Variants in HIP1 observed in about 807,000 individuals in gnomAD.
HIP1 encodes the protein huntingtin interacting protein 1.
In HIP1, 65 loss-of-function variants were observed where a neutral mutation model predicts 147.6. The observed-to-expected ratio is 0.44, with a 90% CI of 0.36 to 0.54. HIP1 has a LOEUF of 0.54. Ranked by LOEUF, HIP1 falls within the 20% of genes least tolerant of loss-of-function variation. The pLI, the probability that HIP1 is intolerant of heterozygous loss-of-function variation, is 0.00. For missense variants in HIP1, 1,061 were observed against 1,299.6 expected, an observed-to-expected ratio of 0.82 and a Z score of 2.82; for synonymous variants, 479 against 504.0, an observed-to-expected ratio of 0.95 and a Z score of 0.67.
chr7:75,670,860 G>A (rs1212811469), intron 1 of HIP1, among the ~76,000 whole-genome samples: 1 of 147,456 alleles, frequency 6.8e-6, no homozygotes, highest in Non-Finnish European at 1.5e-5. Flanking sequence ...CGGCTTAAGC[G>A]ATCCTCCTAC....
chr7:75,616,416 C>T (rs1358314765), intron 1 of HIP1, among the ~76,000 whole-genome samples: 6 of 152,040 alleles, frequency 3.9e-5, no homozygotes, highest in African/African-American at 7.2e-5. Flanking sequence ...CCTACAGGTG[C>T]GCACCACCAC....
chr7:75,700,594 T>C (rs1800794213), intron 1 of HIP1, among the ~76,000 whole-genome samples: 1 of 152,048 alleles, frequency 6.6e-6, no homozygotes, highest in Admixed American at 6.6e-5. Context: ...ACATGGAGCT[T>C]ACCATCTACA....
At chr7:75,671,936 T>C (rs1189012942) in intron 1 of HIP1, among the ~76,000 whole-genome samples, 2 of 152,140 alleles carry the variant, frequency 1.3e-5, no homozygotes, top group African/African-American at 4.8e-5. Flanking sequence ...ATTTTCACCG[T>C]GTTGGTCAGG....
At position 75,734,055 on chromosome 7, in the gene HIP1, G is replaced by A. The variant is rs576677754; in HGVS notation, c.120+4746C>T. ...GAGGTCAGGAGTTCGAGGCCAGCCTGGTCAACAAGTGAGACCCTGTCTCTA... is the reference window on the plus strand; with the variant it reads ...GAGGTCAGGAGTTCGAGGCCAGCCTAGTCAACAAGTGAGACCCTGTCTCTA... On this transcript the variant is annotated intron_variant, in intron 1 of 30. Coordinates refer to ENST00000336926, the MANE Select transcript of HIP1 (RefSeq NM_005338.7). 7.2e-5 allele frequency among the ~76,000 whole-genome samples: 11 copies of A among 152,016 alleles called. No individual in the cohort carries two copies. In the South Asian group the frequency reaches 1.5e-3, roughly 20 times the overall value.
At position 75,563,008 on chromosome 7, in the gene HIP1, G is replaced by T; in HGVS notation, c.947C>A (p.Ala316Glu). Reference protein sequence around the residue: ...EHISPVVVIPAEASSPDSEPV... With the variant: ...EHISPVVVIPEEASSPDSEPV... Reference sequence around the variant, plus strand: ...CTCGCTGTCGGGGGATGAGGCCTCTGCAGGGATCACCACCACAGGGCTGAT... The same window carrying T: ...CTCGCTGTCGGGGGATGAGGCCTCTTCAGGGATCACCACCACAGGGCTGAT... Residue 316 changes from alanine to glutamate, a missense_variant, in exon 11 of 31, where the codon GCA becomes GAA. Ala to Glu is a moderately radical substitution (Grantham distance 107). Coordinates refer to ENST00000336926, the MANE Select transcript of HIP1 (RefSeq NM_005338.7). 1 of 1,614,182 alleles carries T rather than the reference G, an allele frequency of 6.2e-7. No homozygotes were observed. Among genetic ancestry groups the T allele is most frequent in the Non-Finnish European group, 8.5e-7 (1 of 1,180,018 alleles).
rs115862022 is a variant in HIP1 at position 75,696,286 on chromosome 7, C to T, written c.120+42515G>A. ...TACAGGTGTGAGCCACCATGCCTGG[C>T]CTATCATTTCTTCTTTTCTTTCCAA... On this transcript the variant is annotated intron_variant, in intron 1 of 30. Coordinates refer to ENST00000336926, the MANE Select transcript of HIP1 (RefSeq NM_005338.7). Among the ~76,000 whole-genome samples, 233 of 152,236 alleles carry T rather than the reference C, an allele frequency of 1.5e-3. 1 individual carries two copies. The highest frequency in any genetic ancestry group is 5.3e-3 in the African/African-American group (219 of 41,550).
chr7:75,614,258 C>G (rs1797552597), intron 1 of HIP1, among the ~76,000 whole-genome samples: 2 of 152,192 alleles, frequency 1.3e-5, no homozygotes, highest in Admixed American at 1.3e-4. Flanking sequence ...TCAGGCTGGT[C>G]TGAAACTCCT....
chr7:75,702,312 G>T (rs1209747150), intron 1 of HIP1, among the ~76,000 whole-genome samples: 1 of 152,146 alleles, frequency 6.6e-6, no homozygotes, highest in Admixed American at 6.6e-5. Flanking sequence ...GTTTCACCAT[G>T]TTGGCCAGGC....
chr7:75,595,333 C>G (rs939166520), intron 2 of HIP1, among the ~76,000 whole-genome samples: 1 of 144,508 alleles, frequency 6.9e-6, no homozygotes. Flanking sequence ...CTCTCTCTCT[C>G]GTTCGTTCTT....
rs1343308116 is a variant in HIP1 at position 75,720,634 on chromosome 7, G to GGT, written c.120+18165_120+18166dup. Among the ~76,000 whole-genome samples, 5 of 152,296 alleles carry GGT rather than the reference G, an allele frequency of 3.3e-5. No homozygotes were observed. The East Asian group carries it at 9.6e-4, about 29-fold the overall frequency. ...GGTCTAACTTTCTCTATGTCAAACA[G>GGT]GTTTAGTCGTTTGGGGCACAGGTTT... On this transcript the variant is annotated intron_variant, in intron 1 of 30. Transcript: ENST00000336926.
intron 1 of HIP1, among the ~76,000 whole-genome samples, chr7:75,602,285 G>A (rs587719797): frequency 1.4e-5 from 2 of 139,634 alleles, no homozygotes; most frequent in East Asian, 4.5e-4. Context: ...ACAGGCGTGA[G>A]CCACAGCACC....
At chr7:75,669,515 T>C (rs1799673562) in intron 1 of HIP1, among the ~76,000 whole-genome samples, 1 of 152,144 alleles carries the variant, frequency 6.6e-6, no homozygotes, top group African/African-American at 2.4e-5. Context: ...TCAGCCAAGC[T>C]TGTGCCACTG....
chr7:75,570,590 C>T (rs184201803), intron 8 of HIP1, among the ~76,000 whole-genome samples: 2 of 152,244 alleles, frequency 1.3e-5, no homozygotes, highest in Admixed American at 6.5e-5. Context: ...CGTGCCCGGC[C>T]AGTTGTGGCA....
intron 1 of HIP1, among the ~76,000 whole-genome samples, chr7:75,632,399 C>A (rs1798259112): frequency 6.6e-6 from 1 of 152,024 alleles, no homozygotes; most frequent in African/African-American, 2.4e-5. Flanking sequence ...ACCAAAAATT[C>A]TTTTCTCCTA....
intron 1 of HIP1, among the ~76,000 whole-genome samples, chr7:75,681,762 A>C (rs1800081009): frequency 1.3e-5 from 2 of 151,626 alleles, no homozygotes; most frequent in South Asian, 4.2e-4. Context: ...CCACCTCCCA[A>C]AGTGCTAGGA....
chr7:75,730,679 G>A (rs1045954647), intron 1 of HIP1, among the ~76,000 whole-genome samples: 8 of 151,514 alleles, frequency 5.3e-5, no homozygotes, highest in Admixed American at 2.6e-4. Flanking sequence ...TGCAAGGATC[G>A]AAAAGGGTGG....
chr7:75,715,153 G>T (rs1034769335), intron 1 of HIP1, among the ~76,000 whole-genome samples: 4 of 152,144 alleles, frequency 2.6e-5, no homozygotes, highest in Non-Finnish European at 5.9e-5. Flanking sequence ...ACATTGGGAG[G>T]CCAAGGCAGG....
Position 75,595,231 on chromosome 7 carries a change from T to C in HIP1, c.185-2717A>G, listed in dbSNP as rs189596219. ...TTCTTTCTTTCTTTCTTTCTTTCTT[T>C]CTTTCTTTCTTTCTTTCTTTCTTCC... On this transcript the variant is annotated intron_variant, in intron 2 of 30. Transcript: ENST00000336926. 2.1e-3 allele frequency among the ~76,000 whole-genome samples: 226 copies of C among 106,026 alleles called. 4 individuals are homozygous for C. The highest frequency in any genetic ancestry group is 8.3e-3 in the African/African-American group (181 of 21,696). The allele number at this position is 106,026 out of a possible 152,430, so 69.6% of individuals were successfully genotyped here. A position where few individuals can be genotyped will look rare whatever the true frequency, so the allele number is the denominator to read the frequency against.
rs1171152712 is a variant in HIP1, at chr7:75,687,549, G to C, written c.120+51252C>G. Among the ~76,000 whole-genome samples the C allele has an allele frequency of 2.6e-5, 4 of 152,264 alleles. No homozygotes were observed. In the East Asian group the frequency reaches 5.8e-4, roughly 22 times the overall value. ...TCTACTAAGAATACAAAATTAGCCA[G>C]GCTTGGTGGCGGGCACCTGTAATCC... On this transcript the variant is annotated intron_variant, in intron 1 of 30. Transcript: ENST00000336926.
Sources: gnomAD v4.1 joint callset for allele counts (sites outside exome capture counted in the v4.1 genomes callset) on GRCh38, gnomAD v4.1.1 for gene constraint, MANE v1.5 for transcripts, NCBI Gene and HGNC (gene_info 2026-07-23, HGNC 2026-07-21) for gene names.